GMDS: variants seen among roughly 807,000 people sequenced by gnomAD.
The protein encoded by GMDS is GDP-mannose 4,6-dehydratase.
GMDS carries 20 observed loss-of-function variants against 49.9 expected under a neutral mutation model. The observed-to-expected ratio is 0.40, with a 90% CI of 0.28 to 0.58. The LOEUF is 0.58. Among genes scored for constraint, GMDS ranks in the 20% least tolerant of loss-of-function variants. The pLI, the probability that GMDS is intolerant of heterozygous loss-of-function variation, is 0.42. For missense variants in GMDS, 362 were observed against 481.4 expected, an observed-to-expected ratio of 0.75 and a Z score of 2.32; for synonymous variants, 177 against 178.6, an observed-to-expected ratio of 0.99 and a Z score of 0.07.
At chr6:1,813,146 TAGG>T (rs1339428105) in intron 7 of GMDS, among the ~76,000 whole-genome samples, 2 of 140,490 alleles carry the variant, frequency 1.4e-5, no homozygotes, top group Admixed American at 1.6e-4. Context: ...GACTTGAGCC[TAGG>T]AGTTCAAGGC....
At chr6:1,855,046 T>A (rs1363309794) in intron 7 of GMDS, among the ~76,000 whole-genome samples, 1 of 152,200 alleles carries the variant, frequency 6.6e-6, no homozygotes, top group Non-Finnish European at 1.5e-5. Context: ...GCACTTGGCA[T>A]CTAAAAACCT....
At chr6:2,216,797 G>A (rs1039382916) in intron 1 of GMDS, among the ~76,000 whole-genome samples, 18 of 152,132 alleles carry the variant, frequency 1.2e-4, no homozygotes, top group South Asian at 1.0e-3. Context: ...CTGCATTTAC[G>A]TGCTCCAAAC....
intron 9 of GMDS, among the ~76,000 whole-genome samples, chr6:1,630,737 C>T (rs1022949944): frequency 1.3e-5 from 2 of 152,300 alleles, no homozygotes; most frequent in East Asian, 1.9e-4. Flanking sequence ...GAATTGCAAT[C>T]GTGGAGTTAA....
chr6:1,905,635 ATGTGGGGCCAGCACATAGCTGTG>A (rs1760727019), intron 7 of GMDS, among the ~76,000 whole-genome samples: 4 of 133,394 alleles, frequency 3.0e-5, no homozygotes, highest in Non-Finnish European at 4.8e-5. Flanking sequence ...GTGCATCTGC[ATGTGGGGCCAGCACATAGCTGTG>A]GGTGCTGGCG....
chr6:2,230,670 C>A (rs1318642377), intron 1 of GMDS, among the ~76,000 whole-genome samples: 2 of 151,636 alleles, frequency 1.3e-5, no homozygotes, highest in Non-Finnish European at 2.9e-5. Context: ...TTTGAACTTA[C>A]TAAATTAGTC....
chr6:1,744,949 G>A (rs567480208), intron 7 of GMDS, among the ~76,000 whole-genome samples: 14 of 152,152 alleles, frequency 9.2e-5, no homozygotes, highest in Middle Eastern at 3.4e-3. Context: ...CCAAGTGGGC[G>A]CACGAGTGTA....
chr6:1,800,572 G>C (rs1037669998), intron 7 of GMDS, among the ~76,000 whole-genome samples: 1 of 151,876 alleles, frequency 6.6e-6, no homozygotes, highest in African/African-American at 2.4e-5. Flanking sequence ...GAGTAGGTGG[G>C]ACTACAGGAA....
At chr6:2,067,258 C>G (rs1312222979) in intron 4 of GMDS, among the ~76,000 whole-genome samples, 20 of 152,062 alleles carry the variant, frequency 1.3e-4, no homozygotes, top group Admixed American at 1.3e-4. Flanking sequence ...GGGACGCATG[C>G]AAAGCAGTAT....
At chr6:2,034,642 G>T (rs1325210134) in intron 4 of GMDS, among the ~76,000 whole-genome samples, 3 of 152,306 alleles carry the variant, frequency 2.0e-5, no homozygotes, top group African/African-American at 7.2e-5. Context: ...GGCCAACAGT[G>T]ATCTAGAACA....
At chr6:1,808,196 G>C (rs916660501) in intron 7 of GMDS, among the ~76,000 whole-genome samples, 2 of 152,210 alleles carry the variant, frequency 1.3e-5, no homozygotes, top group Non-Finnish European at 2.9e-5. Context: ...TTGAATGAAT[G>C]AACAAGTTGC....
chr6:2,139,604 T>C (rs1776183827), intron 1 of GMDS, among the ~76,000 whole-genome samples: 1 of 152,170 alleles, frequency 6.6e-6, no homozygotes. Context: ...AAGTCTTTAC[T>C]CTAATTATCC....
chr6:1,770,857 A>G (rs1401828431), intron 7 of GMDS, among the ~76,000 whole-genome samples: 2 of 152,228 alleles, frequency 1.3e-5, no homozygotes, highest in Non-Finnish European at 2.9e-5. Context: ...TGATGATCCA[A>G]TAAGAAAGAA....
At chr6:2,190,930 C>G (rs1005822505) in intron 1 of GMDS, among the ~76,000 whole-genome samples, 1 of 152,104 alleles carries the variant, frequency 6.6e-6, no homozygotes, top group African/African-American at 2.4e-5. Context: ...AGGACCCGCT[C>G]CCAGGCCTGG....
In GMDS at chr6:1,923,622, A is replaced by C. The variant is rs573356469; in HGVS notation, c.771+6481T>G. The stretch of plus-strand genomic sequence containing the variant: ...AGCGCACAGAGCAGCAGCCAGCCGG[A>C]TCCCGCACTCGCTCACTCACGCGCT... On this transcript the variant is annotated intron_variant, in intron 7 of 10. Coordinates refer to ENST00000380815, the MANE Select transcript of GMDS (RefSeq NM_001500.4). Among the ~76,000 whole-genome samples, 3 of 152,264 alleles carry C rather than the reference A, an allele frequency of 2.0e-5. No homozygotes were observed. In the South Asian group the frequency reaches 6.2e-4, roughly 32 times the overall value.
intron 4 of GMDS, among the ~76,000 whole-genome samples, chr6:1,984,431 A>G (rs1765418992): frequency 6.7e-6 from 1 of 150,234 alleles, no homozygotes; most frequent in African/African-American, 2.5e-5. Context: ...AGAAATAGCC[A>G]GTGAGTAATC....
intron 7 of GMDS, among the ~76,000 whole-genome samples, chr6:1,863,540 T>C (rs1160425872): frequency 6.6e-6 from 1 of 152,122 alleles, no homozygotes; most frequent in Admixed American, 6.6e-5. Context: ...GGACATTCAG[T>C]ATCTCTCAAT....
chr6:1,704,276 A>G (rs1323137948), intron 9 of GMDS, among the ~76,000 whole-genome samples: 1 of 151,536 alleles, frequency 6.6e-6, no homozygotes, highest in Non-Finnish European at 1.5e-5. Context: ...GAATAAAGGC[A>G]CTGAGATTCA....
chr6:2,096,332 C>G (rs1245554736), intron 4 of GMDS, among the ~76,000 whole-genome samples: 3 of 152,082 alleles, frequency 2.0e-5, no homozygotes, highest in Non-Finnish European at 4.4e-5. Flanking sequence ...GAGAAATAAA[C>G]TATATTTTAT....
intron 4 of GMDS, among the ~76,000 whole-genome samples, chr6:1,976,275 C>G (rs1265869148): frequency 6.6e-6 from 1 of 152,174 alleles, no homozygotes; most frequent in Non-Finnish European, 1.5e-5. Context: ...TGTGCTTATT[C>G]TGCTCCATTT....
Sources: allele counts gnomAD v4.1 joint callset (sites outside exome capture counted in the v4.1 genomes callset), GRCh38; gene constraint gnomAD v4.1.1; transcripts MANE v1.5; gene names NCBI Gene and HGNC (gene_info 2026-07-23, HGNC 2026-07-21).